RIPK4: variants seen among roughly 807,000 people sequenced by gnomAD.
The protein encoded by RIPK4 is receptor-interacting serine/threonine-protein kinase 4.
In RIPK4, 17 loss-of-function variants were observed where a neutral mutation model predicts 42.9. That is an observed-to-expected ratio of 0.40 (90% CI 0.27 to 0.59). The LOEUF is 0.59. RIPK4 is among the 20% of genes least tolerant of loss of function. RIPK4 has a pLI of 0.47. For synonymous variants in RIPK4, 498 were observed against 499.1 expected (o/e 1.00, Z 0.03); for missense variants, 897 against 1,104.4 (o/e 0.81, Z 2.66).
At chr21:41,745,258 T>C (rs1375369796) in intron 6 of RIPK4, among the ~76,000 whole-genome samples, 1 of 152,218 alleles carries the variant, frequency 6.6e-6, no homozygotes, top group Non-Finnish European at 1.5e-5. Flanking sequence ...AGCTCACTTA[T>C]CAGCTGGGCC....
chr21:41,753,102 T>TA (rs2061193288), intron 2 of RIPK4, among the ~76,000 whole-genome samples: 1 of 152,188 alleles, frequency 6.6e-6, no homozygotes, highest in Non-Finnish European at 1.5e-5. Flanking sequence ...CTCCCACGGT[T>TA]AGTTAAGGAT....
rs745874890 is a variant in RIPK4, at chr21:41,742,656, G to A, written c.1196-659C>T. Among the ~76,000 whole-genome samples, 4 of 152,178 alleles carry A rather than the reference G, an allele frequency of 2.6e-5. No individual in the cohort carries two copies. Among genetic ancestry groups the A allele is most frequent in the African/African-American group, 4.8e-5 (2 of 41,528 alleles). Reference sequence around the variant, plus strand: ...AAACCCTGCAACGAGACTCTCCTCCGCCCTCATGTGAAACGCGTGGGGACT... The same window carrying A: ...AAACCCTGCAACGAGACTCTCCTCCACCCTCATGTGAAACGCGTGGGGACT... On this transcript the variant is annotated intron_variant, in intron 7 of 7. Coordinates refer to ENST00000332512, the MANE Select transcript of RIPK4 (RefSeq NM_020639.3). This position sits in a 1 kb window ranked among gnomAD's most constrained non-coding sequence, Gnocchi z 5.1.
Position 41,757,998 on chromosome 21 carries a change from CA to C in RIPK4, c.183-1183del, listed in dbSNP as rs530283443. ...TGGGCGACACAGAGAGACTCCATAA[CA>C]AAAAAAAAAAAAAAAAAAAAAAATA... On this transcript the variant is annotated intron_variant, in intron 1 of 7. Transcript: ENST00000332512. Among the ~76,000 whole-genome samples the C allele has an allele frequency of 4.2e-3, 55 of 13,072 alleles. 1 individual carries two copies. Among genetic ancestry groups the C allele is most frequent in the African/African-American group, 0.022 (51 of 2,282 alleles). The allele number at this position is 13,072 out of a possible 152,430, so 8.6% of individuals were successfully genotyped here.
At chr21:41,757,023 C>G (rs1257980145) in intron 1 of RIPK4, among the ~76,000 whole-genome samples, 1 of 152,212 alleles carries the variant, frequency 6.6e-6, no homozygotes, top group East Asian at 1.9e-4. Flanking sequence ...CTATGCATCA[C>G]AGGGTTATCA....
intron 6 of RIPK4, among the ~76,000 whole-genome samples, chr21:41,744,942 G>A (rs1401042868): frequency 1.3e-5 from 2 of 152,182 alleles, no homozygotes; most frequent in Non-Finnish European, 2.9e-5. Context: ...GGGATTTCAC[G>A]CTTCTTCCCT....
chr21:41,749,135 C>T lies in RIPK4; in HGVS notation c.673+19G>A. The T allele has an allele frequency of 6.2e-7, 1 of 1,613,442 alleles. No homozygotes were observed. The highest frequency in any genetic ancestry group is 8.5e-7 in the Non-Finnish European group (1 of 1,179,608). ...CAGGAAAGACAAGCACATTACACCT[C>T]AAAGACAGGTCCACTCACCTGCAAA... On this transcript the variant is annotated intron_variant, in intron 4 of 7. Coordinates refer to ENST00000332512, the MANE Select transcript of RIPK4 (RefSeq NM_020639.3).
chr21:41,745,134 T>C (rs76990220), intron 6 of RIPK4, among the ~76,000 whole-genome samples: 226 of 152,282 alleles, frequency 1.5e-3, no homozygotes, highest in African/African-American at 5.3e-3. Flanking sequence ...CTGGCACACA[T>C]GCACTTTATG....
rs772902189 is a variant in RIPK4, at chr21:41,740,800, G to T, written c.*38C>A. Reference sequence around the variant, plus strand: ...CCACGAGGAACACAGGACAGGACAAGAGCCCCACGTGGACCCCCGGTCTCC... The same window carrying T: ...CCACGAGGAACACAGGACAGGACAATAGCCCCACGTGGACCCCCGGTCTCC... On this transcript the variant is annotated 3_prime_UTR_variant, in exon 8 of 8. Transcript: ENST00000332512. The T allele has an allele frequency of 1.2e-5, 18 of 1,551,918 alleles. No individual in the cohort carries two copies. The South Asian group carries it at 2.2e-4, about 19-fold the overall frequency.
chr21:41,763,893 G>C (rs751745950), intron 1 of RIPK4, among the ~76,000 whole-genome samples: 1 of 152,042 alleles, frequency 6.6e-6, no homozygotes, highest in Admixed American at 6.5e-5. Context: ...GGGGAGGAAC[G>C]GGGCCTTTGG....
At chr21:41,756,056 T>C (rs2061202347) in intron 2 of RIPK4, among the ~76,000 whole-genome samples, 1 of 152,172 alleles carries the variant, frequency 6.6e-6, no homozygotes, top group Non-Finnish European at 1.5e-5. Flanking sequence ...CACAAGCCTC[T>C]TTCCACAGCA....
intron 1 of RIPK4, among the ~76,000 whole-genome samples, chr21:41,765,312 GC>G (rs1569108678): frequency 6.6e-6 from 1 of 152,224 alleles, no homozygotes; most frequent in Non-Finnish European, 1.5e-5. Flanking sequence ...AATAACCACA[GC>G]ACCCCTCCTG....
At chr21:41,759,076 TG>T (rs1286393484) in intron 1 of RIPK4, among the ~76,000 whole-genome samples, 1 of 152,164 alleles carries the variant, frequency 6.6e-6, no homozygotes, top group Non-Finnish European at 1.5e-5. Flanking sequence ...CATTCCAGGT[TG>T]GGGCTGGAAA....
At chr21:41,749,052 G>A in intron 4 of RIPK4, 102 bp downstream of exon 4, 1 of 1,230,298 alleles carries the variant, frequency 8.1e-7, no homozygotes, top group Non-Finnish European at 1.2e-6. Flanking sequence ...ATGGCAGCGT[G>A]GATCACAGGC....
Position 41,740,847 on chromosome 21 carries a change from G to C in RIPK4, c.2346C>G (p.Ser782Arg), listed in dbSNP as rs1314841304. ...HGPAATLLRRSKT is the reference protein window; with the variant it reads ...HGPAATLLRRRKT ...CTCCGCAGGCAGCCAGCTAGGTCTT[G>C]CTTCGCCGCAGGAGCGTGGCGGCGG... Residue 782 changes from serine to arginine, a missense_variant, in exon 8 of 8, where the codon AGC becomes AGG. Physicochemically the swap from Ser to Arg is moderately radical, Grantham distance 110. Coordinates refer to ENST00000332512, the MANE Select transcript of RIPK4 (RefSeq NM_020639.3). 3 of 1,602,668 alleles carry C rather than the reference G, an allele frequency of 1.9e-6. No individual in the cohort carries two copies. The African/African-American group carries it at 4.0e-5, about 21-fold the overall frequency.
At position 41,751,036 on chromosome 21, in the gene RIPK4, G is replaced by A; in HGVS notation, c.623+61C>T. The A allele has an allele frequency of 6.4e-7, 1 of 1,571,106 alleles. No individual in the cohort carries two copies. The highest frequency in any genetic ancestry group is 8.7e-7 in the Non-Finnish European group (1 of 1,155,956). The stretch of plus-strand genomic sequence containing the variant: ...TTCTGAAAGCTGCAGCTCAGGGCAT[G>A]AAGCATTGAGGTTGAGAGCCCCTGG... On this transcript the variant is annotated intron_variant, in intron 3 of 7. Transcript: ENST00000332512. The surrounding 1 kb of genome is among the most constrained non-coding windows in gnomAD (Gnocchi z 4.5).
At chr21:41,748,972 A>G (rs975120309) in intron 4 of RIPK4, among the ~76,000 whole-genome samples, 182 bp downstream of exon 4, 5 of 152,238 alleles carry the variant, frequency 3.3e-5, no homozygotes, top group African/African-American at 9.6e-5. Flanking sequence ...ACCTAAAAAC[A>G]TTCCATTGAA....
intron 2 of RIPK4, among the ~76,000 whole-genome samples, chr21:41,756,071 G>C (rs2061202397): frequency 6.6e-6 from 1 of 152,122 alleles, no homozygotes; most frequent in South Asian, 2.1e-4. Flanking sequence ...ACAGCACTTT[G>C]AGGACCCCAC....
At chr21:41,765,173 G>A (rs1044801647) in intron 1 of RIPK4, among the ~76,000 whole-genome samples, 1 of 152,206 alleles carries the variant, frequency 6.6e-6, no homozygotes. Flanking sequence ...AGAAAGTGGT[G>A]TGAAAATTTT....
At chr21:41,746,890 G>T in intron 4 of RIPK4, 119 bp from the exon 5 acceptor site, 1 of 1,144,718 alleles carries the variant, frequency 8.7e-7, no homozygotes, top group Non-Finnish European at 1.2e-6. Context: ...CACCACCCCA[G>T]GGAGACGGCT....
Sources: gnomAD v4.1 joint callset for allele counts (sites outside exome capture counted in the v4.1 genomes callset) on GRCh38, gnomAD v4.1.1 for gene constraint, Gnocchi (gnomAD v3.1) non-coding constraint, MANE v1.5 for transcripts, NCBI Gene and HGNC (gene_info 2026-07-23, HGNC 2026-07-21) for gene names.